Variants in COL16A1 observed in about 807,000 individuals in gnomAD.
The protein encoded by COL16A1 is collagen type XVI alpha 1 chain.
A neutral mutation model predicts 266.3 loss-of-function variants in COL16A1; 189 were observed. The ratio of observed to expected loss-of-function variants is 0.71; its 90% CI spans 0.63 to 0.80. The LOEUF is 0.80. Ranked by LOEUF, COL16A1 falls within the 30% of genes least tolerant of loss-of-function variation. The pLI is 0.00. For missense variants in COL16A1, 1,928 were observed against 2,122.4 expected (o/e 0.91, Z 1.80); for synonymous variants, 740 against 782.3 (o/e 0.95, Z 0.90).
At chr1:31,683,494 A>C in intron 34 of COL16A1, 125 bp from the exon 35 acceptor site, 1 of 1,589,518 alleles carries the variant, frequency 6.3e-7, no homozygotes, top group Non-Finnish European at 8.6e-7. Flanking sequence ...AGAGCTCCCC[A>C]AGGAGACCCT....
chr1:31,655,683 G>C (rs1176941205), intron 66 of COL16A1, 181 bp from the exon 67 acceptor site: 1 of 1,039,264 alleles, frequency 9.6e-7, no homozygotes, highest in African/African-American at 1.6e-5. Context: ...AGTTCTCCTG[G>C]TGTTACTCCC....
chr1:31,689,228 C>T (rs1570546334), intron 23 of COL16A1, 143 bp from the exon 24 acceptor site: 3 of 1,358,268 alleles, frequency 2.2e-6, no homozygotes. Flanking sequence ...GCCAGCACCC[C>T]AGAGGCAGGG....
chr1:31,661,204 G>A, intron 60 of COL16A1, 85 bp from the exon 61 acceptor site: 1 of 1,509,062 alleles, frequency 6.6e-7, no homozygotes, highest in Non-Finnish European at 9.0e-7. Flanking sequence ...GAGGGACCCT[G>A]CCACCTGCCC....
chr1:31,675,068 C>G, intron 43 of COL16A1, 29 bp from the exon 44 acceptor site: 1 of 1,612,978 alleles, frequency 6.2e-7, no homozygotes, highest in Non-Finnish European at 8.5e-7. Flanking sequence ...TGGGCTCAAG[C>G]AGGTGAGGGG....
chr1:31,662,497 G>GCA (rs758662915), intron 57 of COL16A1, 90 bp downstream of exon 57: 11 of 1,550,228 alleles, frequency 7.1e-6, no homozygotes, highest in South Asian at 1.2e-5. Context: ...TCCCACCTCA[G>GCA]CACACACACA....
At chr1:31,699,561 T>C (rs1228410204) in intron 4 of COL16A1, among the ~76,000 whole-genome samples, 1 of 152,200 alleles carries the variant, frequency 6.6e-6, no homozygotes, top group Non-Finnish European at 1.5e-5. Context: ...GTTCTCACAG[T>C]GCCCACAGGA....
chr1:31,666,803 C>A (rs1334240503), intron 52 of COL16A1, among the ~76,000 whole-genome samples: 1 of 152,068 alleles, frequency 6.6e-6, no homozygotes, highest in East Asian at 1.9e-4. Flanking sequence ...CGATGGTGCC[C>A]AAACACCTCT....
chr1:31,689,063 A>C lies in COL16A1; in HGVS notation c.1643T>G (p.Ile548Ser). The change falls in exon 24 of 71, where the codon ATC becomes AGC. Residue 548 changes from isoleucine (I) to serine (S), a missense_variant. Physicochemically the swap from Ile to Ser is moderately radical, Grantham distance 142. Transcript: ENST00000373672. ...PARGDPGIQG[I>S]KGEKGEPCLS... ...GGGTTCCCTCACCTTCTCTCCTTTGATGCCTTGGATGCCAGGGTCTCCCTG... is the reference window on the plus strand; with the variant it reads ...GGGTTCCCTCACCTTCTCTCCTTTGCTGCCTTGGATGCCAGGGTCTCCCTG... The C allele has an allele frequency of 6.2e-7, 1 of 1,613,872 alleles. No individual in the cohort carries two copies. Among genetic ancestry groups the C allele is most frequent in the Non-Finnish European group, 8.5e-7 (1 of 1,180,000 alleles).
chr1:31,690,682 A>G (rs1354201624), intron 20 of COL16A1, 109 bp from the exon 21 acceptor site: 5 of 1,494,644 alleles, frequency 3.3e-6, no homozygotes, highest in Non-Finnish European at 3.6e-6. Context: ...ATCGTTGCCA[A>G]ATCTCTTGTT....
chr1:31,676,013 T>C (rs1643149706), intron 42 of COL16A1, among the ~76,000 whole-genome samples: 1 of 152,126 alleles, frequency 6.6e-6, no homozygotes, highest in African/African-American at 2.4e-5. Context: ...GTTATCTCCA[T>C]CTTAAAAATA....
In COL16A1 at chr1:31,679,846, A is replaced by G. The variant is rs777574923; in HGVS notation, c.2676T>C (p.Ala892=). Reference sequence around the variant, plus strand: ...AGGAGCTGCCCATCCAAAGTCCCGGAGCACCCTGGGTGGGAGTGGGGGTCG... The same window carrying G: ...AGGAGCTGCCCATCCAAAGTCCCGGGGCACCCTGGGTGGGAGTGGGGGTCG... The part of the protein sequence containing the change: ...GDLIFSGMPG[A]PGLWMGSSWQ... Residue 892 remains alanine, a synonymous_variant, in exon 41 of 71, where the codon GCT becomes GCC. Coordinates refer to ENST00000373672, the MANE Select transcript of COL16A1 (RefSeq NM_001856.4). 3.3e-6 allele frequency: 5 copies of G among 1,526,908 alleles called. No homozygotes were observed. Among genetic ancestry groups the G allele is most frequent in the South Asian group, 1.3e-5 (1 of 78,138 alleles). 94.6% of individuals were successfully genotyped at this position (1,526,908 alleles called of 1,614,324 possible).
chr1:31,654,977 T>C (rs1640982128), intron 67 of COL16A1, 119 bp from the exon 68 acceptor site: 1 of 1,288,282 alleles, frequency 7.8e-7, no homozygotes, highest in Non-Finnish European at 1.0e-6. Context: ...GATTCTTTTT[T>C]TTTTTTTTTT....
At chr1:31,696,855 C>G (rs1557694900) in intron 8 of COL16A1, 108 bp downstream of exon 8, 1 of 1,562,364 alleles carries the variant, frequency 6.4e-7, no homozygotes, top group Non-Finnish European at 8.7e-7. Context: ...CCCCTCCTGC[C>G]CTGGGCCCAT....
intron 39 of COL16A1, among the ~76,000 whole-genome samples, chr1:31,680,532 C>T (rs1270574559): frequency 2.0e-5 from 3 of 152,156 alleles, no homozygotes; most frequent in African/African-American, 4.8e-5. Context: ...GCCCTCTCAC[C>T]ACTAGTCCTT....
At position 31,695,758 on chromosome 1, in the gene COL16A1, T is replaced by A. The variant is rs1178741880; in HGVS notation, c.945+3A>T. On this transcript the variant is annotated splice_donor_region_variant and intron_variant, in intron 10 of 70. Transcript: ENST00000373672. ...CCTGCTGCCAGTCCACTGGGAGGCT[T>A]ACCTCATCGGCTGCTGTCTCCTGAT... 1 of 1,613,592 alleles carries A rather than the reference T, an allele frequency of 6.2e-7. No individual in the cohort carries two copies. Among genetic ancestry groups the A allele is most frequent in the Non-Finnish European group, 8.5e-7 (1 of 1,179,836 alleles).
Position 31,680,045 on chromosome 1 carries a change from C to T in COL16A1, c.2667G>A (p.Met889Ile), listed in dbSNP as rs1239150473. Residue 889 changes from methionine to isoleucine, a missense_variant, in exon 40 of 71, where the codon ATG becomes ATA. By Grantham distance (10) the Met-to-Ile change is conservative. Around this residue, in one of 2 missense-constraint regions of COL16A1, gnomAD observed 1,552 missense variants for 1,637.2 expected, o/e 0.95. Transcript: ENST00000373672. Reference sequence around the variant, plus strand: ...AGGCTCTCACAGCGCCACTTACCGGCATGCCAGAGAAGATGAGGTCTCCTT... The same window carrying T: ...AGGCTCTCACAGCGCCACTTACCGGTATGCCAGAGAAGATGAGGTCTCCTT... ...PSQGDLIFSG[M>I]PGAPGLWMGS... 8 of 1,613,922 alleles carry T rather than the reference C, an allele frequency of 5.0e-6. No individual in the cohort carries two copies. The highest frequency in any genetic ancestry group is 6.8e-6 in the Non-Finnish European group (8 of 1,179,910).
intron 1 of COL16A1, among the ~76,000 whole-genome samples, chr1:31,703,231 T>G (rs555829043): frequency 4.8e-4 from 73 of 152,332 alleles, no homozygotes; most frequent in Admixed American, 2.1e-3. Context: ...GTCTTCCTGT[T>G]GGGAAGTTCT....
intron 12 of COL16A1, chr1:31,693,370 T>C (rs2148814577): frequency 3.4e-6 from 2 of 583,994 alleles, no homozygotes; most frequent in Non-Finnish European, 3.1e-6. Flanking sequence ...CACCCCAAGA[T>C]GCTATATTTG....
chr1:31,663,986 CT>C lies in COL16A1; in HGVS notation c.3555+1185del, dbSNP rs1436688824. Among the ~76,000 whole-genome samples, 1 of 152,158 alleles carries C rather than the reference CT, an allele frequency of 6.6e-6. No individual in the cohort carries two copies. The highest frequency in any genetic ancestry group is 1.5e-5 in the Non-Finnish European group (1 of 68,014). ...GAGACCCAGCAAAGGGGAAAATGAA[CT>C]CGGGGGCTCTGTAATGCCACCAGCC... On this transcript the variant is annotated intron_variant, in intron 56 of 70. Coordinates refer to ENST00000373672, the MANE Select transcript of COL16A1 (RefSeq NM_001856.4). This position sits in a 1 kb window ranked among gnomAD's most constrained non-coding sequence, Gnocchi z 4.9.
Sources: allele counts gnomAD v4.1 joint callset (sites outside exome capture counted in the v4.1 genomes callset), GRCh38; gene constraint gnomAD v4.1.1; regional missense constraint gnomAD v4.1.1; non-coding constraint Gnocchi (gnomAD v3.1); transcripts MANE v1.5; gene names NCBI Gene and HGNC (gene_info 2026-07-23, HGNC 2026-07-21).